HTR2C: variants seen among roughly 807,000 people sequenced by gnomAD.
The protein encoded by HTR2C is 5-hydroxytryptamine (serotonin) receptor 2C, G protein-coupled.
In HTR2C, 5 loss-of-function variants were observed where a neutral mutation model predicts 21.0. That is an observed-to-expected ratio of 0.24 (90% CI 0.12 to 0.50). The LOEUF is 0.50. Among genes scored for constraint, HTR2C ranks in the 20% least tolerant of loss-of-function variants. HTR2C has a pLI of 0.98. For missense variants in HTR2C, 271 were observed against 371.2 expected (o/e 0.73, Z 2.22); for synonymous variants, 150 against 145.3 (o/e 1.03, Z -0.23).
intron 1 of HTR2C, among the ~76,000 whole-genome samples, chrX:114,588,093 C>T (rs1927475735): frequency 8.9e-6 from 1 of 112,383 alleles, no homozygotes; most frequent in East Asian, 2.8e-4. Flanking sequence ...ACAGTGTCAT[C>T]TGCAGTTTCC....
chrX:114,750,096 A>G, intron 4 of HTR2C, among the ~76,000 whole-genome samples: 1 of 111,848 alleles, frequency 8.9e-6, no homozygotes. Context: ...ATCTGTGTGT[A>G]AGTGCAACTA....
intron 4 of HTR2C, among the ~76,000 whole-genome samples, chrX:114,768,875 C>G (rs1418902827): frequency 9.0e-6 from 1 of 111,145 alleles, no homozygotes; most frequent in Non-Finnish European, 1.9e-5. Context: ...GTACTTAATT[C>G]TGGTGTAAAC....
intron 2 of HTR2C, among the ~76,000 whole-genome samples, chrX:114,722,587 T>C (rs1221604066): frequency 9.2e-6 from 1 of 108,946 alleles, no homozygotes; most frequent in Non-Finnish European, 1.9e-5. Context: ...ATCCCTGTCT[T>C]GTGCCAGTTT....
chrX:114,653,098 A>G (rs1348073137), intron 2 of HTR2C, among the ~76,000 whole-genome samples: 2 of 109,046 alleles, frequency 1.8e-5, no homozygotes, highest in Admixed American at 1.0e-4. Flanking sequence ...ATAATATGAA[A>G]TAGTCTAGGT....
At chrX:114,586,702 T>C (rs1291437169) in intron 1 of HTR2C, among the ~76,000 whole-genome samples, 1 of 111,318 alleles carries the variant, frequency 9.0e-6, no homozygotes, top group Non-Finnish European at 1.9e-5. Flanking sequence ...TAACAGGCTT[T>C]TGTGCAGTAT....
Position 114,755,274 on chromosome X carries a change from C to T in HTR2C, c.349+23667C>T, listed in dbSNP as rs782625000. On this transcript the variant is annotated intron_variant, in intron 4 of 5. Transcript: ENST00000276198. The stretch of plus-strand genomic sequence containing the variant: ...AAAAAAAAACACGGAAATTTATTGT[C>T]TCCCAGTCCTGGAGGTCAAAAGTCT... 4.6e-5 allele frequency among the ~76,000 whole-genome samples: 5 copies of T among 109,006 alleles called. No individual in the cohort carries two copies. The South Asian group carries it at 1.6e-3, about 34-fold the overall frequency. 94.7% of individuals were successfully genotyped at this position (109,006 alleles called of 115,157 possible).
chrX:114,712,611 C>A (rs1343964194), intron 2 of HTR2C, among the ~76,000 whole-genome samples: 2 of 111,802 alleles, frequency 1.8e-5, no homozygotes, highest in South Asian at 7.4e-4. Context: ...AAGACCTTTG[C>A]CAAATTAGAG....
intron 2 of HTR2C, among the ~76,000 whole-genome samples, chrX:114,718,284 TTGA>T (rs1202889210): frequency 8.9e-6 from 1 of 112,239 alleles, no homozygotes; most frequent in Non-Finnish European, 1.9e-5. Flanking sequence ...AAGGTGATTA[TTGA>T]TGATGACTTT....
At chrX:114,842,851 A>G (rs1291034583) in intron 4 of HTR2C, among the ~76,000 whole-genome samples, 1 of 111,928 alleles carries the variant, frequency 8.9e-6, no homozygotes, top group Non-Finnish European at 1.9e-5. Context: ...AGTGCTAGGT[A>G]ACCACCAAAC....
intron 4 of HTR2C, among the ~76,000 whole-genome samples, chrX:114,792,365 G>A (rs1171787393): frequency 9.0e-6 from 1 of 111,148 alleles, no homozygotes; most frequent in Non-Finnish European, 1.9e-5. Context: ...GAGTGAAAAC[G>A]AGGTGTTTGG....
chrX:114,903,278 G>T (rs2071350003), intron 5 of HTR2C, among the ~76,000 whole-genome samples: 1 of 111,871 alleles, frequency 8.9e-6, no homozygotes, highest in South Asian at 3.7e-4. Flanking sequence ...TTGCATTCAT[G>T]GTTTCTAAAA....
intron 4 of HTR2C, among the ~76,000 whole-genome samples, chrX:114,758,322 G>A (rs1352934522): frequency 9.0e-6 from 1 of 110,877 alleles, no homozygotes; most frequent in East Asian, 2.8e-4. Context: ...AGAGGTTTGG[G>A]AGGCCGAGAC....
intron 5 of HTR2C, among the ~76,000 whole-genome samples, chrX:114,893,639 G>A (rs938637677): frequency 1.4e-4 from 16 of 110,582 alleles, no homozygotes; most frequent in Admixed American, 4.8e-4. Flanking sequence ...CCTTGCCATA[G>A]GCCAATATGC....
chrX:114,803,741 A>G (rs1467885171), intron 4 of HTR2C, among the ~76,000 whole-genome samples: 1 of 107,488 alleles, frequency 9.3e-6, no homozygotes, highest in Non-Finnish European at 1.9e-5. Context: ...GTTTAATTAG[A>G]TCCCATTTGT....
At chrX:114,883,203 G>A (rs2071195135) in intron 5 of HTR2C, among the ~76,000 whole-genome samples, 1 of 109,828 alleles carries the variant, frequency 9.1e-6, no homozygotes, top group Non-Finnish European at 1.9e-5. Flanking sequence ...CAGCAATAAT[G>A]TCCCTGCTTT....
intron 4 of HTR2C, among the ~76,000 whole-genome samples, chrX:114,759,663 G>A (rs1200858210): frequency 9.0e-6 from 1 of 110,525 alleles, no homozygotes; most frequent in Admixed American, 9.7e-5. Flanking sequence ...TTTCCACGGG[G>A]CCCCAATTCG....
intron 4 of HTR2C, among the ~76,000 whole-genome samples, chrX:114,741,263 G>C (rs868945571): frequency 6.9e-4 from 75 of 108,570 alleles, no homozygotes; most frequent in African/African-American, 2.3e-3. Flanking sequence ...GCTCATGCCT[G>C]TAATCCCAGC....
intron 4 of HTR2C, chrX:114,775,730 T>C: frequency 1.7e-6 from 1 of 580,819 alleles, no homozygotes; most frequent in Non-Finnish European, 2.8e-6. Flanking sequence ...GAAGATGTCT[T>C]GGAGAAGCTT....
chrX:114,693,475 G>C (rs1932170037), intron 2 of HTR2C, among the ~76,000 whole-genome samples: 1 of 111,639 alleles, frequency 9.0e-6, no homozygotes, highest in Admixed American at 9.6e-5. Context: ...TAAATAAAAA[G>C]AGATTAAGTC....
Sources: allele counts gnomAD v4.1 joint callset (sites outside exome capture counted in the v4.1 genomes callset), GRCh38; gene constraint gnomAD v4.1.1; transcripts MANE v1.5; gene names NCBI Gene and HGNC (gene_info 2026-07-23, HGNC 2026-07-21).